SLC25A36: variants seen among roughly 807,000 people sequenced by gnomAD.
The protein encoded by SLC25A36 is epididymis secretory sperm binding protein.
SLC25A36 carries 24 observed loss-of-function variants against 35.3 expected under a neutral mutation model. That is an observed-to-expected ratio of 0.68 (90% CI 0.49 to 0.96). The LOEUF (loss-of-function observed/expected upper bound fraction) is 0.96, where lower values mean the gene tolerates loss of function less well. SLC25A36 is among the 40% of genes least tolerant of loss of function. The probability of loss-of-function intolerance (pLI) is 0.00; values close to 1 mark genes in which losing one functional copy is unlikely to be tolerated. For synonymous variants in SLC25A36, 141 were observed against 132.2 expected (o/e 1.07, Z -0.46); for missense variants, 294 against 381.1 (o/e 0.77, Z 1.90).
chr3:140,956,815 C>G (rs750644310), intron 2 of SLC25A36, 124 bp downstream of exon 2: 65 of 1,377,316 alleles, frequency 4.7e-5, no homozygotes, highest in Non-Finnish European at 5.9e-5. Flanking sequence ...AGAAGTTACT[C>G]TGAATTGTAC....
At chr3:140,975,912 T>TAA (rs750823599) in intron 6 of SLC25A36, among the ~76,000 whole-genome samples, 4 of 152,208 alleles carry the variant, frequency 2.6e-5, no homozygotes, top group African/African-American at 4.8e-5. Context: ...ATCCTTTTTA[T>TAA]ATTCATCCTG....
intron 6 of SLC25A36, among the ~76,000 whole-genome samples, chr3:140,975,646 C>T (rs1383831274): frequency 6.6e-6 from 1 of 152,164 alleles, no homozygotes; most frequent in African/African-American, 2.4e-5. Context: ...TCCAATTTCT[C>T]ACCTTTTAAA....
At chr3:140,967,452 A>AG (rs923146213) in intron 4 of SLC25A36, among the ~76,000 whole-genome samples, 6 of 151,982 alleles carry the variant, frequency 3.9e-5, no homozygotes, top group African/African-American at 1.4e-4. Context: ...TGCAAAAAAA[A>AG]CAAAAATTAA....
chr3:140,949,726 C>A (rs985205424), intron 1 of SLC25A36, among the ~76,000 whole-genome samples: 1 of 152,144 alleles, frequency 6.6e-6, no homozygotes, highest in Non-Finnish European at 1.5e-5. Flanking sequence ...GAACTTACAC[C>A]CTTCTGTTAC....
chr3:140,973,656 T>G (rs887598470), intron 5 of SLC25A36, 60 bp from the exon 6 acceptor site: 4 of 1,204,996 alleles, frequency 3.3e-6, no homozygotes, highest in Non-Finnish European at 4.3e-6. Flanking sequence ...ATGACATATT[T>G]TATTATATTT....
chr3:140,958,622 G>A (rs541613166), intron 2 of SLC25A36, among the ~76,000 whole-genome samples: 1 of 152,268 alleles, frequency 6.6e-6, no homozygotes, highest in East Asian at 1.9e-4. Context: ...AAGGACATTA[G>A]GGTGATAGAT....
chr3:140,951,681 G>C lies in SLC25A36; in HGVS notation c.42-4846G>C, dbSNP rs117443758. On this transcript the variant is annotated intron_variant, in intron 1 of 6. Transcript: ENST00000324194. ...TGTGTGTGTGTGTATTTTCAGTAGA[G>C]GTGGTGTTTCACCATGTTGGCCAGG... 1.1e-3 allele frequency among the ~76,000 whole-genome samples: 162 copies of C among 152,018 alleles called. 2 individuals carry two copies. In the East Asian group the frequency reaches 0.026, roughly 25 times the overall value.
Position 140,976,684 on chromosome 3 carries a change from A to G in SLC25A36, c.*231A>G, listed in dbSNP as rs1162326860. 1 of 338,052 alleles carries G rather than the reference A, an allele frequency of 3.0e-6. No homozygotes were observed. The highest frequency in any genetic ancestry group is 8.1e-4 in the Middle Eastern group (1 of 1,236). The allele number at this position is 338,052 out of a possible 1,614,324, so 20.9% of individuals were successfully genotyped here. ...CCTCCAAGGAAATGCCTTTAGAAGC[A>G]CTCCTCTCTCAAAATTGCCATTTTC... On this transcript the variant is annotated 3_prime_UTR_variant, in exon 7 of 7. Transcript: ENST00000324194.
At chr3:140,960,605 A>G (rs1290301538) in intron 3 of SLC25A36, among the ~76,000 whole-genome samples, 3 of 152,204 alleles carry the variant, frequency 2.0e-5, no homozygotes, top group Admixed American at 1.3e-4. Flanking sequence ...AGTGATGTAC[A>G]TGGCCTTTAC....
At chr3:140,960,858 A>G (rs549862800) in intron 3 of SLC25A36, among the ~76,000 whole-genome samples, 1 of 152,372 alleles carries the variant, frequency 6.6e-6, no homozygotes, top group South Asian at 2.1e-4. Flanking sequence ...TAGCAGTTAG[A>G]AAGGGGAAGA....
intron 4 of SLC25A36, chr3:140,968,584 A>G (rs71314570): frequency 1.1e-6 from 1 of 931,350 alleles, no homozygotes; most frequent in Admixed American, 6.2e-5. Flanking sequence ...ATAATTTAAA[A>G]TTATAATTTA....
chr3:140,951,262 T>A (rs1250528515), intron 1 of SLC25A36, among the ~76,000 whole-genome samples: 1 of 152,198 alleles, frequency 6.6e-6, no homozygotes, highest in African/African-American at 2.4e-5. Context: ...ATAAATCTAA[T>A]GTAGTTCATC....
At chr3:140,952,022 T>C (rs1934341241) in intron 1 of SLC25A36, among the ~76,000 whole-genome samples, 1 of 149,188 alleles carries the variant, frequency 6.7e-6, no homozygotes, top group Non-Finnish European at 1.5e-5. Flanking sequence ...TTTCTCTCTT[T>C]TTTTTTTTTT....
chr3:140,944,028 G>A (rs948133417), intron 1 of SLC25A36, among the ~76,000 whole-genome samples: 1 of 152,082 alleles, frequency 6.6e-6, no homozygotes, highest in African/African-American at 2.4e-5. Context: ...TACAAGATAG[G>A]TGCTCAGCCG....
At chr3:140,945,590 T>G (rs548157748) in intron 1 of SLC25A36, among the ~76,000 whole-genome samples, 1 of 152,250 alleles carries the variant, frequency 6.6e-6, no homozygotes, top group Admixed American at 6.5e-5. Flanking sequence ...TAAAACTATT[T>G]TCATAAAAAT....
chr3:140,973,006 TAGG>T (rs1934945326), intron 5 of SLC25A36: 1 of 152,164 alleles, frequency 6.6e-6, no homozygotes, highest in Non-Finnish European at 1.5e-5. Context: ...ATTACATGTG[TAGG>T]AGATGTTGTA....
At chr3:140,970,318 G>A (rs896692665) in intron 4 of SLC25A36, 2 of 152,000 alleles carry the variant, frequency 1.3e-5, no homozygotes, top group Admixed American at 6.6e-5. Flanking sequence ...TTAAGTAAAT[G>A]ACGATAGGCC....
At chr3:140,954,791 C>A (rs1011186133) in intron 1 of SLC25A36, among the ~76,000 whole-genome samples, 3 of 152,044 alleles carry the variant, frequency 2.0e-5, no homozygotes, top group Non-Finnish European at 4.4e-5. Context: ...TTCTCAGTTT[C>A]TTTCATTGTG....
rs1229320871 is a variant in SLC25A36, at chr3:140,977,425, G to A, written c.*972G>A. ...AAAGAAAATAGTAATTTAAAGTTTTGCCATTTTAAGGTGACAATATTTGGG... is the reference window on the plus strand; with the variant it reads ...AAAGAAAATAGTAATTTAAAGTTTTACCATTTTAAGGTGACAATATTTGGG... On this transcript the variant is annotated 3_prime_UTR_variant, in exon 7 of 7. Coordinates refer to ENST00000324194, the MANE Select transcript of SLC25A36 (RefSeq NM_001104647.3). 1 of 151,998 alleles carries A rather than the reference G, an allele frequency of 6.6e-6. No individual in the cohort carries two copies. Among genetic ancestry groups the A allele is most frequent in the Non-Finnish European group, 1.5e-5 (1 of 67,994 alleles). The allele number at this position is 151,998 out of a possible 1,614,324, so 9.4% of individuals were successfully genotyped here. A position where few individuals can be genotyped will look rare whatever the true frequency, so the allele number is the denominator to read the frequency against.
Sources: gnomAD v4.1 joint callset for allele counts (sites outside exome capture counted in the v4.1 genomes callset) on GRCh38, gnomAD v4.1.1 for gene constraint, MANE v1.5 for transcripts, NCBI Gene and HGNC (gene_info 2026-07-23, HGNC 2026-07-21) for gene names.